The following NNMT variants were observed in gnomAD, a reference collection of about 807,000 sequenced individuals.
NNMT encodes nicotinamide N-methyltransferase.
Under a neutral mutation model 11.7 loss-of-function variants are expected in NNMT, and 10 were observed. The ratio of observed to expected loss-of-function variants is 0.85; its 90% CI spans 0.53 to 1.45. NNMT has a LOEUF of 1.45. Among genes scored for constraint, NNMT ranks in the 40% most tolerant of loss-of-function variants. NNMT has a pLI of 0.00. For synonymous variants in NNMT, 143 were observed against 133.8 expected, an observed-to-expected ratio of 1.07 and a Z score of -0.48; for missense variants, 381 against 319.4, an observed-to-expected ratio of 1.19 and a Z score of -1.47.
chr11:114,304,326 A>AGG (rs1320613109), intron 2 of NNMT, among the ~76,000 whole-genome samples: 17 of 152,200 alleles, frequency 1.1e-4, no homozygotes, highest in African/African-American at 3.9e-4. Context: ...AAACCCTTAC[A>AGG]ATCTAGCAGG....
rs187784973 is a variant in NNMT, at chr11:114,268,000, T to C, written c.-130+5066T>C. The stretch of plus-strand genomic sequence containing the variant: ...TTTCTCTTAAGTTTCATTTTCCCCA[T>C]GCTGTTAACTTGTTGTAGAAAGCGG... On this transcript the variant is annotated intron_variant, in intron 2 of 4. Transcript: ENST00000535401. 3.2e-4 allele frequency among the ~76,000 whole-genome samples: 48 copies of C among 152,370 alleles called. 1 individual carries two copies. The East Asian group carries it at 4.6e-3, about 15-fold the overall frequency.
Position 114,309,280 on chromosome 11 carries a change from G to T in NNMT, c.363-2765G>T, listed in dbSNP as rs77856746. On this transcript the variant is annotated intron_variant, in intron 2 of 2. Coordinates refer to ENST00000299964, the MANE Select transcript of NNMT (RefSeq NM_006169.3). ...TTTTCTTTTTGTTGTTATTCTTAAAGTGTTCTATGAAAACTTCCATGTTGT... is the reference window on the plus strand; with the variant it reads ...TTTTCTTTTTGTTGTTATTCTTAAATTGTTCTATGAAAACTTCCATGTTGT... Among the ~76,000 whole-genome samples the T allele has an allele frequency of 8.9e-3, 1,360 of 152,196 alleles. 25 individuals are homozygous for T. Among genetic ancestry groups the T allele is most frequent in the African/African-American group, 0.031 (1,297 of 41,504 alleles).
chr11:114,272,859 C>G (rs536623483), intron 2 of NNMT, among the ~76,000 whole-genome samples: 1 of 152,310 alleles, frequency 6.6e-6, no homozygotes, highest in South Asian at 2.1e-4. Flanking sequence ...ACTTTTCCCA[C>G]TTACAATTTT....
chr11:114,284,959 A>G (rs772670192), intron 2 of NNMT, among the ~76,000 whole-genome samples: 1 of 151,542 alleles, frequency 6.6e-6, no homozygotes, highest in African/African-American at 2.4e-5. Context: ...CAGTAGAGAC[A>G]GTTTCATCAT....
At chr11:114,264,842 G>A (rs557884458) in intron 2 of NNMT, among the ~76,000 whole-genome samples, 3 of 152,358 alleles carry the variant, frequency 2.0e-5, no homozygotes, top group South Asian at 4.1e-4. Flanking sequence ...CAGTTGAAGA[G>A]ATGCATAGGG....
chr11:114,275,018 T>A lies in NNMT; in HGVS notation c.-130+12084T>A, dbSNP rs528571276. Among the ~76,000 whole-genome samples, 5 of 152,296 alleles carry A rather than the reference T, an allele frequency of 3.3e-5. No homozygotes were observed. The South Asian group carries it at 8.3e-4, about 25-fold the overall frequency. On this transcript the variant is annotated intron_variant, in intron 2 of 4. Coordinates refer to the NNMT transcript ENST00000535401. ...AATAGAATTTACTTACCTTGCGTAATTTCAGGCACCAGGAAAGTTCTCCAT... is the reference window on the plus strand; with the variant it reads ...AATAGAATTTACTTACCTTGCGTAAATTCAGGCACCAGGAAAGTTCTCCAT...
chr11:114,304,718 C>T (rs546443365), intron 2 of NNMT, among the ~76,000 whole-genome samples: 3 of 152,220 alleles, frequency 2.0e-5, no homozygotes, highest in South Asian at 2.1e-4. Context: ...GGTGCACACC[C>T]GTATTCCCAG....
At chr11:114,302,794 C>T (rs975939129) in intron 2 of NNMT, among the ~76,000 whole-genome samples, 4 of 152,076 alleles carry the variant, frequency 2.6e-5, no homozygotes, top group Admixed American at 6.6e-5. Context: ...ATTAAGAGGT[C>T]GGGGCTTTGA....
At chr11:114,272,523 T>A (rs891474502) in intron 2 of NNMT, among the ~76,000 whole-genome samples, 2 of 152,206 alleles carry the variant, frequency 1.3e-5, no homozygotes, top group Non-Finnish European at 2.9e-5. Context: ...TTCCACTTGA[T>A]ACATGGTCCA....
intron 2 of NNMT, among the ~76,000 whole-genome samples, chr11:114,304,033 A>C (rs913547154): frequency 2.0e-5 from 3 of 152,094 alleles, no homozygotes; most frequent in Non-Finnish European, 2.9e-5. Flanking sequence ...AATTTCATAC[A>C]CCTTTTTTTT....
rs373225428 is a variant in NNMT, at chr11:114,312,264, G to T, written c.582G>T (p.Val194=). The T allele has an allele frequency of 2.1e-5, 34 of 1,614,128 alleles. No homozygotes were observed. Among genetic ancestry groups the T allele is most frequent in the Non-Finnish European group, 2.9e-5 (34 of 1,180,054 alleles). The change falls in exon 3 of 3, where the codon GTG becomes GTT. Residue 194 remains valine (V), a synonymous_variant. Transcript: ENST00000299964. Reference sequence around the variant, plus strand: ...TACTGAAGCCAGGGGGCTTCCTGGTGATCATGGATGCGCTCAAGAGCAGCT... The same window carrying T: ...TACTGAAGCCAGGGGGCTTCCTGGTTATCATGGATGCGCTCAAGAGCAGCT... ...GSLLKPGGFL[V]IMDALKSSYY... is the part of the protein sequence containing the mutation.
upstream of NNMT, among the ~76,000 whole-genome samples, chr11:114,293,824 T>A (rs1283089670): frequency 6.6e-6 from 1 of 152,098 alleles, no homozygotes. Flanking sequence ...ATCCAAGAGC[T>A]ATCAGCACTC....
At chr11:114,306,142 G>A (rs968072155) in intron 2 of NNMT, among the ~76,000 whole-genome samples, 1 of 152,178 alleles carries the variant, frequency 6.6e-6, no homozygotes, top group Non-Finnish European at 1.5e-5. Context: ...CTGCATAAAT[G>A]TCTTCTTTTG....
At chr11:114,262,911 A>T (rs1251963616) in exon 2 of NNMT, 1 of 152,204 alleles carries the variant, frequency 6.6e-6, no homozygotes, top group Non-Finnish European at 1.5e-5. Context: ...GAAGTGCATC[A>T]GGACGGCTCG....
chr11:114,310,627 C>A (rs1945540790), intron 2 of NNMT, among the ~76,000 whole-genome samples: 1 of 152,224 alleles, frequency 6.6e-6, no homozygotes, highest in African/African-American at 2.4e-5. Context: ...AGCCTTGATG[C>A]CCAAGTGGCC....
At chr11:114,295,532 C>G (rs1945367834), upstream of NNMT, among the ~76,000 whole-genome samples, 1 of 141,400 alleles carries the variant, frequency 7.1e-6, no homozygotes, top group Non-Finnish European at 1.5e-5. Flanking sequence ...TCATGCCATT[C>G]TCCTGCCTCA....
intron 2 of NNMT, among the ~76,000 whole-genome samples, chr11:114,305,284 T>G (rs1239315673): frequency 6.6e-6 from 1 of 151,606 alleles, no homozygotes; most frequent in African/African-American, 2.4e-5. Flanking sequence ...TTGGCCCTCT[T>G]GACAGCAGGT....
chr11:114,282,783 G>C (rs4936293), intron 2 of NNMT, among the ~76,000 whole-genome samples: 49,356 of 151,996 alleles, frequency 0.32, 9,676 homozygotes, highest in African/African-American at 0.56. Context: ...TCTGAGTGCC[G>C]AAAGGACCAC....
upstream of NNMT, among the ~76,000 whole-genome samples, chr11:114,292,576 C>T (rs1945342742): frequency 6.6e-6 from 1 of 152,172 alleles, no homozygotes; most frequent in Non-Finnish European, 1.5e-5. Context: ...CACCAGTGAA[C>T]CAAATACCCA....
Sources: allele counts gnomAD v4.1 joint callset (sites outside exome capture counted in the v4.1 genomes callset), GRCh38; gene constraint gnomAD v4.1.1; transcripts MANE v1.5; gene names NCBI Gene and HGNC (gene_info 2026-07-23, HGNC 2026-07-21).